The following CDH13 variants were observed in gnomAD, a reference collection of about 807,000 sequenced individuals.
CDH13 encodes cadherin-13.
A neutral mutation model predicts 63.8 loss-of-function variants in CDH13; 24 were observed. The observed-to-expected ratio is 0.38, with a 90% CI of 0.27 to 0.53. CDH13 has a LOEUF of 0.53. Among genes scored for constraint, CDH13 ranks in the 20% least tolerant of loss-of-function variants. The pLI is 0.85. For missense variants in CDH13, 1,049 were observed against 903.1 expected, an observed-to-expected ratio of 1.16 and a Z score of -2.07; for synonymous variants, 503 against 355.3, an observed-to-expected ratio of 1.42 and a Z score of -4.67.
chr16:83,191,458 AATATATATATATAT>A (rs57044100), intron 4 of CDH13, among the ~76,000 whole-genome samples: 5 of 80,578 alleles, frequency 6.2e-5, no homozygotes, highest in South Asian at 4.5e-4. Flanking sequence ...ACTAATAGGA[AATATATATATATAT>A]ATATATATAT....
intron 5 of CDH13, among the ~76,000 whole-genome samples, chr16:83,302,488 C>T (rs774713267): frequency 4.6e-5 from 7 of 152,162 alleles, no homozygotes; most frequent in African/African-American, 4.8e-5. Flanking sequence ...AAATGGGGCT[C>T]CTTATATTCT....
chr16:82,859,600 G>C (rs1477267063), intron 2 of CDH13: 1 of 151,958 alleles, frequency 6.6e-6, no homozygotes, highest in East Asian at 1.9e-4. Flanking sequence ...ATTAAAATAA[G>C]CTGATCATAC....
intron 1 of CDH13, among the ~76,000 whole-genome samples, chr16:82,650,164 T>C (rs1910560989): frequency 6.6e-6 from 1 of 152,178 alleles, no homozygotes; most frequent in Non-Finnish European, 1.5e-5. Context: ...TTGTGTAAAA[T>C]AGGATGCATG....
In CDH13 at chr16:83,602,619, C is replaced by G. The variant is rs1384184345; in HGVS notation, c.1101+25C>G. ...GGTAAACCCCTGTGCCAAACACCAACCACCACTGTGGTCACAGCTACAATT... is the reference window on the plus strand; with the variant it reads ...GGTAAACCCCTGTGCCAAACACCAAGCACCACTGTGGTCACAGCTACAATT... On this transcript the variant is annotated intron_variant, in intron 8 of 13. Coordinates refer to ENST00000567109, the MANE Select transcript of CDH13 (RefSeq NM_001257.5). 1.9e-6 allele frequency: 3 copies of G among 1,612,850 alleles called. No homozygotes were observed. The South Asian group carries it at 3.3e-5, about 18-fold the overall frequency.
At chr16:82,890,185 A>G (rs968042616) in intron 2 of CDH13, among the ~76,000 whole-genome samples, 3 of 152,208 alleles carry the variant, frequency 2.0e-5, no homozygotes, top group African/African-American at 7.2e-5. Context: ...GTAGGCTTGT[A>G]AGGAGGGACC....
intron 10 of CDH13, among the ~76,000 whole-genome samples, chr16:83,691,455 G>A (rs1412168431): frequency 6.6e-6 from 1 of 152,124 alleles, no homozygotes; most frequent in Non-Finnish European, 1.5e-5. Context: ...ATATTGGGAG[G>A]AGTGGCCCTG....
In CDH13 at chr16:83,290,322, T is replaced by G. The variant is rs1366129273; in HGVS notation, c.637-54540T>G. Among the ~76,000 whole-genome samples the G allele has an allele frequency of 2.6e-5, 4 of 152,136 alleles. No homozygotes were observed. In the East Asian group the frequency reaches 5.8e-4, roughly 22 times the overall value. ...CTGTATCCCCACCCACATCTCACCT[T>G]GAATTGTAATAATCCCCTCGTGTCA... On this transcript the variant is annotated intron_variant, in intron 5 of 13. Coordinates refer to ENST00000567109, the MANE Select transcript of CDH13 (RefSeq NM_001257.5).
chr16:82,674,484 C>G (rs2048172646), intron 1 of CDH13, among the ~76,000 whole-genome samples: 1 of 152,194 alleles, frequency 6.6e-6, no homozygotes, highest in Non-Finnish European at 1.5e-5. Flanking sequence ...TCCATGATAT[C>G]AAACTGAAAT....
At chr16:83,435,439 G>C (rs114573826) in intron 6 of CDH13, among the ~76,000 whole-genome samples, 2 of 152,082 alleles carry the variant, frequency 1.3e-5, no homozygotes, top group African/African-American at 4.8e-5. Flanking sequence ...GTGGCTCCCC[G>C]TTGCCCCAAA....
intron 6 of CDH13, among the ~76,000 whole-genome samples, chr16:83,364,851 T>G (rs538622514): frequency 1.6e-3 from 243 of 151,932 alleles, no homozygotes; most frequent in Non-Finnish European, 2.8e-3. Context: ...TAAGTGGGAG[T>G]TGAACAATGA....
intron 6 of CDH13, among the ~76,000 whole-genome samples, chr16:83,385,608 T>C (rs2091657943): frequency 6.6e-6 from 1 of 152,222 alleles, no homozygotes; most frequent in South Asian, 2.1e-4. Context: ...TATGGTCACC[T>C]ATGGCATGGG....
intron 1 of CDH13, among the ~76,000 whole-genome samples, chr16:82,721,573 G>A (rs759668967): frequency 1.4e-4 from 21 of 152,154 alleles, no homozygotes; most frequent in Non-Finnish European, 2.9e-4. Context: ...TAACAGCAAA[G>A]TCAAAGAAAG....
chr16:83,361,380 G>T (rs2091157800), intron 6 of CDH13, among the ~76,000 whole-genome samples: 1 of 152,140 alleles, frequency 6.6e-6, no homozygotes. Context: ...CATTCGGTTT[G>T]TTGTCCATTT....
chr16:82,837,774 C>T (rs942504262), intron 1 of CDH13, among the ~76,000 whole-genome samples: 4 of 152,208 alleles, frequency 2.6e-5, no homozygotes, highest in African/African-American at 7.2e-5. Flanking sequence ...TACATAGCAA[C>T]ATTCCTGACT....
chr16:83,011,905 G>A (rs1221432210), intron 2 of CDH13, among the ~76,000 whole-genome samples: 2 of 152,154 alleles, frequency 1.3e-5, no homozygotes, highest in East Asian at 1.9e-4. Context: ...GTTCATTACA[G>A]CTATTATTAA....
chr16:83,347,621 C>G (rs2090867460), intron 6 of CDH13, among the ~76,000 whole-genome samples: 1 of 152,284 alleles, frequency 6.6e-6, no homozygotes, highest in South Asian at 2.1e-4. Flanking sequence ...GAGGTGGCTA[C>G]CACTATCCCT....
At position 83,443,705 on chromosome 16, in the gene CDH13, GAAAAAAAAAAAAAAAAAAAAAA is replaced by G. The variant is rs1167862979; in HGVS notation, c.782-42762_782-42741del. ...GGGCAACAGAGTGCGAAGTCCCTAC[GAAAAAAAAAAAAAAAAAAAAAA>G]AAAAAAAAATATATATATATATATA... On this transcript the variant is annotated intron_variant, in intron 6 of 13. Coordinates refer to ENST00000567109, the MANE Select transcript of CDH13 (RefSeq NM_001257.5). 7.0e-3 allele frequency among the ~76,000 whole-genome samples: 748 copies of G among 107,112 alleles called. 9 individuals carry two copies. Among genetic ancestry groups the G allele is most frequent in the East Asian group, 0.047 (194 of 4,110 alleles). 70.3% of individuals were successfully genotyped at this position (107,112 alleles called of 152,430 possible).
At chr16:83,659,118 C>G (rs1317568193) in intron 8 of CDH13, among the ~76,000 whole-genome samples, 2 of 147,132 alleles carry the variant, frequency 1.4e-5, no homozygotes, top group African/African-American at 5.0e-5. Context: ...CATATCCTCA[C>G]CACCAGGTCC....
At chr16:83,764,093 A>G (rs1030949111) in intron 11 of CDH13, among the ~76,000 whole-genome samples, 9 of 152,226 alleles carry the variant, frequency 5.9e-5, no homozygotes, top group African/African-American at 2.2e-4. Context: ...TCCTAAGCAT[A>G]TAAGAAATGC....
Sources: allele counts gnomAD v4.1 joint callset (sites outside exome capture counted in the v4.1 genomes callset), GRCh38; gene constraint gnomAD v4.1.1; transcripts MANE v1.5; gene names NCBI Gene and HGNC (gene_info 2026-07-23, HGNC 2026-07-21).